Variants in PPP1R13B observed in about 807,000 individuals in gnomAD.
PPP1R13B encodes protein phosphatase 1 regulatory subunit 13B, also known as apoptosis-stimulating of p53 protein 1.
PPP1R13B carries 44 observed loss-of-function variants against 119.8 expected under a neutral mutation model. The observed-to-expected ratio is 0.37, with a 90% CI of 0.29 to 0.47. The LOEUF (loss-of-function observed/expected upper bound fraction) is 0.47, where lower values mean the gene tolerates loss of function less well. Among genes scored for constraint, PPP1R13B ranks in the 20% least tolerant of loss-of-function variants. The probability of loss-of-function intolerance (pLI) is 0.99; values close to 1 mark genes in which losing one functional copy is unlikely to be tolerated. For missense variants in PPP1R13B, 1,227 were observed against 1,413.5 expected, an observed-to-expected ratio of 0.87 and a Z score of 2.12; for synonymous variants, 542 against 561.5, an observed-to-expected ratio of 0.97 and a Z score of 0.49.
Position 103,736,328 on chromosome 14 carries a change from C to T in PPP1R13B, c.3032-126G>A, listed in dbSNP as rs186835392. 84 of 980,850 alleles carry T rather than the reference C, an allele frequency of 8.6e-5. No individual in the cohort carries two copies. In the East Asian group the frequency reaches 1.8e-3, roughly 21 times the overall value. 60.8% of individuals were successfully genotyped at this position (980,850 alleles called of 1,614,324 possible). A position where few individuals can be genotyped will look rare whatever the true frequency, so the allele number is the denominator to read the frequency against. ...TCTCAGCAGGCCCCACAGAGGCCAG[C>T]GAGGGAGATGAGACACTATTGAAGA... On this transcript the variant is annotated intron_variant, in intron 15 of 16. Transcript: ENST00000202556.
Position 103,753,206 on chromosome 14 carries a change from A to G in PPP1R13B, c.632-10T>C, listed in dbSNP as rs1347841472. Reference sequence around the variant, plus strand: ...CTTTCTATTTCAGCAGCTATAATTGACCACACAAGAAAAGAATAAAAGATT... The same window carrying G: ...CTTTCTATTTCAGCAGCTATAATTGGCCACACAAGAAAAGAATAAAAGATT... On this transcript the variant is annotated splice_polypyrimidine_tract_variant and intron_variant, in intron 6 of 16. Transcript: ENST00000202556. 4 of 1,594,006 alleles carry G rather than the reference A, an allele frequency of 2.5e-6. No individual in the cohort carries two copies. The South Asian group carries it at 4.5e-5, about 18-fold the overall frequency.
intron 7 of PPP1R13B, among the ~76,000 whole-genome samples, chr14:103,751,144 A>G (rs769904165): frequency 3.3e-5 from 5 of 152,254 alleles, no homozygotes; most frequent in Admixed American, 1.3e-4. Flanking sequence ...TCCGTCTCAA[A>G]AAAAAGAAAA....
intron 1 of PPP1R13B, among the ~76,000 whole-genome samples, chr14:103,829,084 T>C (rs557565808): frequency 1.3e-5 from 2 of 152,348 alleles, no homozygotes; most frequent in Non-Finnish European, 1.5e-5. Flanking sequence ...TCCCCAGACA[T>C]AGTAGGATTC....
chr14:103,811,430 G>A (rs1182858554), intron 1 of PPP1R13B, among the ~76,000 whole-genome samples: 1 of 152,126 alleles, frequency 6.6e-6, no homozygotes, highest in African/African-American at 2.4e-5. Context: ...CGGGATGTCT[G>A]TAATCCCAGC....
At chr14:103,827,461 G>C (rs8016014) in intron 1 of PPP1R13B, among the ~76,000 whole-genome samples, 61,494 of 151,722 alleles carry the variant, frequency 0.41, 12,617 homozygotes, top group African/African-American at 0.43. Context: ...TCTCATGGTA[G>C]TGTAAAATTT....
At chr14:103,789,292 C>T (rs913504326) in intron 2 of PPP1R13B, among the ~76,000 whole-genome samples, 4 of 152,050 alleles carry the variant, frequency 2.6e-5, no homozygotes, top group Non-Finnish European at 5.9e-5. Flanking sequence ...GATCTCGGCT[C>T]ACTGCAACCT....
Position 103,734,325 on chromosome 14 carries a change from GCCCCAA to G in PPP1R13B, c.*823_*828del. 2 of 366,820 alleles carry G rather than the reference GCCCCAA, an allele frequency of 5.5e-6. No individual in the cohort carries two copies. Among genetic ancestry groups the G allele is most frequent in the South Asian group, 2.0e-5 (1 of 50,798 alleles). The allele number at this position is 366,820 out of a possible 1,614,324, so 22.7% of individuals were successfully genotyped here. On this transcript the variant is annotated 3_prime_UTR_variant, in exon 17 of 17. Transcript: ENST00000202556. ...CTGCCCTCACACCAGTCCACCCCCA[GCCCCAA>G]CCCCAACCACCCTCCGCTGCCACGG...
At chr14:103,749,550 G>C (rs2084484555) in intron 8 of PPP1R13B, among the ~76,000 whole-genome samples, 1 of 152,202 alleles carries the variant, frequency 6.6e-6, no homozygotes, top group Non-Finnish European at 1.5e-5. Context: ...AACACATGGG[G>C]AGGAAGGAAG....
chr14:103,749,250 A>G (rs2084476704), intron 8 of PPP1R13B, among the ~76,000 whole-genome samples: 1 of 152,186 alleles, frequency 6.6e-6, no homozygotes, highest in South Asian at 2.1e-4. Flanking sequence ...TTTTTCAATG[A>G]GTATTTACTA....
At chr14:103,735,324 C>T (rs540392494) in intron 16 of PPP1R13B, 129 bp from the exon 17 acceptor site, 61 of 831,034 alleles carry the variant, frequency 7.3e-5, no homozygotes, top group Middle Eastern at 6.8e-4. Context: ...CTCAGGCCTA[C>T]GCTCAGCTGC....
rs1196404083 is a variant in PPP1R13B, at chr14:103,777,527, A to G, written c.354+1218T>C. On this transcript the variant is annotated intron_variant, in intron 4 of 16. Transcript: ENST00000202556. ...GCCCATAGCCCATCTGCCGCCACAG[A>G]GATGCTGTGTTTACGTGCACAGAGG... Among the ~76,000 whole-genome samples, 2 of 152,212 alleles carry G rather than the reference A, an allele frequency of 1.3e-5. 1 individual carries two copies. Among genetic ancestry groups the G allele is most frequent in the African/African-American group, 4.8e-5 (2 of 41,548 alleles).
chr14:103,820,426 T>G (rs1000380995), intron 1 of PPP1R13B, among the ~76,000 whole-genome samples: 6 of 144,148 alleles, frequency 4.2e-5, no homozygotes, highest in Admixed American at 2.1e-4. Flanking sequence ...GCACTCAGGA[T>G]GTTCTCACAA....
intron 4 of PPP1R13B, chr14:103,762,878 G>A (rs1265940912): frequency 9.8e-7 from 1 of 1,018,548 alleles, no homozygotes; most frequent in Non-Finnish European, 1.5e-6. Flanking sequence ...AGAAGGACAA[G>A]ACACAGTGGA....
intron 2 of PPP1R13B, among the ~76,000 whole-genome samples, chr14:103,791,681 G>A (rs2085625025): frequency 6.6e-6 from 1 of 152,176 alleles, no homozygotes; most frequent in South Asian, 2.1e-4. Flanking sequence ...CCGAGATCCT[G>A]CCAGGGCACT....
chr14:103,783,529 G>A (rs1236747529), intron 3 of PPP1R13B, among the ~76,000 whole-genome samples: 2 of 151,118 alleles, frequency 1.3e-5, no homozygotes, highest in Non-Finnish European at 2.9e-5. Context: ...TGGGATTATA[G>A]GCGTGAGCCA....
In PPP1R13B at chr14:103,736,160, T is replaced by C; in HGVS notation, c.3074A>G (p.Tyr1025Cys). The C allele has an allele frequency of 6.2e-7, 1 of 1,614,174 alleles. No individual in the cohort carries two copies. Among genetic ancestry groups the C allele is most frequent in the Non-Finnish European group, 8.5e-7 (1 of 1,180,034 alleles). Residue 1025 changes from tyrosine to cysteine, a missense_variant, in exon 16 of 17, where the codon TAT becomes TGT. By Grantham distance (194) the Tyr-to-Cys change is radical (BLOSUM62 -2). Transcript: ENST00000202556. ...KLGVMNKGVA[Y>C]ALWDYEAQNS... ...CTGGGCCTCGTAGTCCCACAGAGCA[T>C]ACGCCACACCTTTGTTCATCACACC...
Position 103,759,955 on chromosome 14 carries a change from T to A in PPP1R13B, c.355-2204A>T, listed in dbSNP as rs572381191. Among the ~76,000 whole-genome samples the A allele has an allele frequency of 1.2e-3, 176 of 152,364 alleles. 2 individuals are homozygous for A. Among genetic ancestry groups the A allele is most frequent in the Non-Finnish European group, 2.0e-3 (136 of 68,032 alleles). ...ATCTTGTCATAGGTAATTCATTGTATCTTATACATCAACTTATAATGTAAT... is the reference window on the plus strand; with the variant it reads ...ATCTTGTCATAGGTAATTCATTGTAACTTATACATCAACTTATAATGTAAT... On this transcript the variant is annotated intron_variant, in intron 4 of 16. Transcript: ENST00000202556.
intron 6 of PPP1R13B, among the ~76,000 whole-genome samples, 180 bp downstream of exon 6, chr14:103,753,890 A>AT (rs1191655646): frequency 1.3e-5 from 2 of 152,222 alleles, no homozygotes; most frequent in East Asian, 3.9e-4. Context: ...GGACTACACA[A>AT]TTTTAAGATC....
chr14:103,823,295 C>G (rs768033570), intron 1 of PPP1R13B, among the ~76,000 whole-genome samples: 1 of 150,950 alleles, frequency 6.6e-6, no homozygotes, highest in Non-Finnish European at 1.5e-5. Flanking sequence ...GCTGAGATCG[C>G]GCCACTGCAC....
Sources: allele counts gnomAD v4.1 joint callset (sites outside exome capture counted in the v4.1 genomes callset), GRCh38; gene constraint gnomAD v4.1.1; transcripts MANE v1.5; gene names NCBI Gene and HGNC (gene_info 2026-07-23, HGNC 2026-07-21).